Variants in NPL observed in about 807,000 individuals in gnomAD.
NPL encodes N-acetylneuraminate lyase.
A neutral mutation model predicts 41.1 loss-of-function variants in NPL; 32 were observed. The ratio of observed to expected loss-of-function variants is 0.78; its 90% CI spans 0.59 to 1.05. The LOEUF is 1.05. NPL is among the 50% of genes least tolerant of loss of function. The pLI is 0.00. For missense variants in NPL, 321 were observed against 378.4 expected, an observed-to-expected ratio of 0.85 and a Z score of 1.26; for synonymous variants, 128 against 134.9, an observed-to-expected ratio of 0.95 and a Z score of 0.35.
rs1408620786 is a variant in NPL at position 182,818,571 on chromosome 1, T to C, written c.488T>C (p.Leu163Pro). The C allele has an allele frequency of 6.2e-7, 1 of 1,614,234 alleles. No homozygotes were observed. The highest frequency in any genetic ancestry group is 8.5e-7 in the Non-Finnish European group (1 of 1,180,036). ...GCTGAGGAGTTGTTGGATGGGATTC[T>C]GGATAAGATCCCCACCTTCCAAGGG... is the stretch of plus-strand genomic sequence containing the variant. ...IRAEELLDGI[L>P]DKIPTFQGLK... Residue 163 changes from leucine to proline, a missense_variant, in exon 9 of 13, where the codon CTG (leucine) becomes CCG (proline). Leu to Pro is a moderately conservative substitution (Grantham distance 98). Coordinates refer to ENST00000367553, the MANE Select transcript of NPL (RefSeq NM_030769.3).
intron 10 of NPL, among the ~76,000 whole-genome samples, chr1:182,819,780 G>A (rs1667439836): frequency 6.6e-6 from 1 of 152,164 alleles, no homozygotes; most frequent in African/African-American, 2.4e-5. Flanking sequence ...TCTCAAGGAT[G>A]GACTCACACT....
intron 3 of NPL, among the ~76,000 whole-genome samples, chr1:182,802,799 C>T (rs1167594560): frequency 6.6e-6 from 1 of 152,224 alleles, no homozygotes; most frequent in Non-Finnish European, 1.5e-5. Context: ...TAACCTTAAG[C>T]ATCAGATCCT....
chr1:182,823,259 G>A (rs1225876443), intron 11 of NPL, among the ~76,000 whole-genome samples: 1 of 152,144 alleles, frequency 6.6e-6, no homozygotes, highest in African/African-American at 2.4e-5. Flanking sequence ...GGATCTTTCT[G>A]AACAGGACAG....
intron 7 of NPL, among the ~76,000 whole-genome samples, chr1:182,816,200 G>T (rs967726849): frequency 3.9e-5 from 6 of 152,292 alleles, no homozygotes; most frequent in Admixed American, 1.3e-4. Context: ...GATGTATCTG[G>T]ATTTCTCCCC....
chr1:182,799,816 A>G (rs1666783144), intron 3 of NPL, among the ~76,000 whole-genome samples: 1 of 152,092 alleles, frequency 6.6e-6, no homozygotes, highest in Non-Finnish European at 1.5e-5. Context: ...TGAAATTAAG[A>G]CATTAAACTG....
intron 8 of NPL, 89 bp from the exon 9 acceptor site, chr1:182,818,452 G>A (rs1210328898): frequency 7.2e-6 from 11 of 1,537,832 alleles, no homozygotes; most frequent in African/African-American, 1.4e-5. Flanking sequence ...ACAGCAGCGT[G>A]TGGCAGCTCA....
intron 8 of NPL, among the ~76,000 whole-genome samples, chr1:182,818,043 A>G (rs1383261386): frequency 2.6e-5 from 4 of 152,222 alleles, no homozygotes; most frequent in Non-Finnish European, 4.4e-5. Context: ...CCTGGCAACC[A>G]GCCCTCATCC....
intron 10 of NPL, 24 bp downstream of exon 10, chr1:182,818,883 G>T: frequency 6.2e-7 from 1 of 1,611,526 alleles, no homozygotes; most frequent in Non-Finnish European, 8.5e-7. Flanking sequence ...ATTTTTCCCA[G>T]TGGTTATAAA....
At chr1:182,800,435 C>CAAA (rs1053733197) in intron 3 of NPL, among the ~76,000 whole-genome samples, 13 of 51,560 alleles carry the variant, frequency 2.5e-4, no homozygotes, top group South Asian at 1.9e-3. Flanking sequence ...GACCCTGTCT[C>CAAA]AAAAAAAAAA....
intron 7 of NPL, 37 bp from the exon 8 acceptor site, chr1:182,816,677 C>A: frequency 1.4e-6 from 2 of 1,432,920 alleles, no homozygotes; most frequent in Non-Finnish European, 2.0e-6. Context: ...CTGTTTTACA[C>A]CTGTTCACAC....
chr1:182,799,732 CAAA>C (rs556336661), intron 3 of NPL, among the ~76,000 whole-genome samples: 6,354 of 60,998 alleles, frequency 0.1, 173 homozygotes, highest in African/African-American at 0.17. Flanking sequence ...ACCCTGTCTC[CAAA>C]AAAAAAAAAA....
intron 7 of NPL, among the ~76,000 whole-genome samples, chr1:182,815,359 T>C (rs192691214): frequency 1.3e-5 from 2 of 152,318 alleles, no homozygotes; most frequent in East Asian, 1.9e-4. Context: ...ATTTATGGTG[T>C]CTAAGTATAC....
intron 1 of NPL, among the ~76,000 whole-genome samples, chr1:182,790,352 G>A (rs888183409): frequency 1.3e-5 from 2 of 152,138 alleles, no homozygotes; most frequent in African/African-American, 4.8e-5. Context: ...TGTGGATGGA[G>A]GTATAAGATT....
intron 3 of NPL, among the ~76,000 whole-genome samples, chr1:182,800,692 C>G (rs1158611691): frequency 2.1e-5 from 3 of 140,678 alleles, no homozygotes; most frequent in Non-Finnish European, 4.6e-5. Flanking sequence ...GCTGCTTTTT[C>G]TAATTTCCAG....
chr1:182,818,680 G>T lies in NPL; in HGVS notation c.597G>T (p.Gly199=). 1 of 1,614,130 alleles carries T rather than the reference G, an allele frequency of 6.2e-7. No homozygotes were observed. Among genetic ancestry groups the T allele is most frequent in the Non-Finnish European group, 8.5e-7 (1 of 1,180,028 alleles). Residue 199 remains glycine, a synonymous_variant, in exon 9 of 13, where the codon GGG becomes GGT. Transcript: ENST00000367553. ...NRQQQFAFLF[G]VDEQLLSALV... Reference sequence around the variant, plus strand: ...AGCAACAGTTTGCTTTCCTTTTTGGGGTGGATGAGGTAAGTCACCCCCTAG... The same window carrying T: ...AGCAACAGTTTGCTTTCCTTTTTGGTGTGGATGAGGTAAGTCACCCCCTAG...
chr1:182,793,749 CA>C (rs1666580211), intron 2 of NPL, among the ~76,000 whole-genome samples: 1 of 152,150 alleles, frequency 6.6e-6, no homozygotes, highest in African/African-American at 2.4e-5. Context: ...AGAATGAAGA[CA>C]ATGGAAAGAG....
Position 182,829,515 on chromosome 1 carries a change from C to T in NPL, c.*607C>T. On this transcript the variant is annotated 3_prime_UTR_variant, in exon 13 of 13. Transcript: ENST00000367553. Reference sequence around the variant, plus strand: ...GTCAGGTGAGGACTTGTTTCAGTTCCTATAACTAAGTAAAGGGCGGCTTTC... The same window carrying T: ...GTCAGGTGAGGACTTGTTTCAGTTCTTATAACTAAGTAAAGGGCGGCTTTC... The T allele has an allele frequency of 6.6e-7, 1 of 1,511,446 alleles. No individual in the cohort carries two copies. Among genetic ancestry groups the T allele is most frequent in the Non-Finnish European group, 8.9e-7 (1 of 1,120,700 alleles). The allele number at this position is 1,511,446 out of a possible 1,614,324, so 93.6% of individuals were successfully genotyped here. A position where few individuals can be genotyped will look rare whatever the true frequency, so the allele number is the denominator to read the frequency against.
At chr1:182,790,886 G>T (rs1049336942) in intron 1 of NPL, among the ~76,000 whole-genome samples, 1 of 152,066 alleles carries the variant, frequency 6.6e-6, no homozygotes, top group African/African-American at 2.4e-5. Context: ...CAGGTGATCC[G>T]CCCACCTCGG....
chr1:182,818,061 A>G (rs1667385463), intron 8 of NPL, among the ~76,000 whole-genome samples: 2 of 152,176 alleles, frequency 1.3e-5, no homozygotes, highest in African/African-American at 4.8e-5. Context: ...TCCTGAGGCA[A>G]TCTAGGTGAT....
Sources: gnomAD v4.1 joint callset for allele counts (sites outside exome capture counted in the v4.1 genomes callset) on GRCh38, gnomAD v4.1.1 for gene constraint, MANE v1.5 for transcripts, NCBI Gene and HGNC (gene_info 2026-07-23, HGNC 2026-07-21) for gene names.